The following PTPRD variants were observed in gnomAD, a reference collection of about 807,000 sequenced individuals.
The protein encoded by PTPRD is protein tyrosine phosphatase receptor type D, also known as receptor-type tyrosine-protein phosphatase delta.
In PTPRD, 34 loss-of-function variants were observed where a neutral mutation model predicts 214.5. The observed-to-expected ratio is 0.16, with a 90% confidence interval of 0.12 to 0.21. The LOEUF (loss-of-function observed/expected upper bound fraction) is 0.21. Ranked by LOEUF, PTPRD falls within the 10% of genes least tolerant of loss-of-function variation. The pLI is 1.00. For synonymous variants in PTPRD, 1,128 were observed against 845.7 expected, an observed-to-expected ratio of 1.33 and a Z score of -5.79; for missense variants, 2,545 against 2,398.7, an observed-to-expected ratio of 1.06 and a Z score of -1.27.
intron 2 of PTPRD, among the ~76,000 whole-genome samples, chr9:10,515,330 T>A (rs953859326): frequency 6.6e-6 from 1 of 151,968 alleles, no homozygotes; most frequent in Admixed American, 6.6e-5. Context: ...ATACTGAAGT[T>A]GCTGGATATC....
At chr9:8,545,336 G>A (rs775723481) in intron 14 of PTPRD, among the ~76,000 whole-genome samples, 1 of 152,158 alleles carries the variant, frequency 6.6e-6, no homozygotes, top group Non-Finnish European at 1.5e-5. Flanking sequence ...AATGGAACCT[G>A]TAACAGAGTT....
chr9:10,511,852 CTGTGTGTGTG>C (rs201439443), intron 2 of PTPRD, among the ~76,000 whole-genome samples: 1 of 107,124 alleles, frequency 9.3e-6, no homozygotes, highest in Admixed American at 9.1e-5. Context: ...ATATACATAT[CTGTGTGTGTG>C]TGTGTGTGTG....
intron 36 of PTPRD, among the ~76,000 whole-genome samples, chr9:8,397,548 C>T (rs897409584): frequency 4.6e-5 from 7 of 152,086 alleles, no homozygotes; most frequent in Admixed American, 2.0e-4. Flanking sequence ...AGATATTTTA[C>T]AGCATGGGTA....
At chr9:9,299,789 T>C (rs1954551616) in intron 9 of PTPRD, among the ~76,000 whole-genome samples, 1 of 151,372 alleles carries the variant, frequency 6.6e-6, no homozygotes, top group South Asian at 2.1e-4. Flanking sequence ...AAGACACGCA[T>C]GTGGGATGAG....
chr9:8,663,738 G>T (rs1031694973), intron 12 of PTPRD, among the ~76,000 whole-genome samples: 6 of 151,902 alleles, frequency 3.9e-5, no homozygotes, highest in African/African-American at 1.2e-4. Context: ...TGATCTGCCC[G>T]CCTCGGCCTC....
At chr9:9,187,760 C>G (rs1018414392) in intron 9 of PTPRD, among the ~76,000 whole-genome samples, 8 of 151,508 alleles carry the variant, frequency 5.3e-5, no homozygotes, top group African/African-American at 1.9e-4. Flanking sequence ...TTGTACCTCT[C>G]ATGACTAAAG....
chr9:8,658,924 G>A (rs2096971405), intron 12 of PTPRD, among the ~76,000 whole-genome samples: 1 of 152,050 alleles, frequency 6.6e-6, no homozygotes, highest in Non-Finnish European at 1.5e-5. Flanking sequence ...TGCTAATGAG[G>A]CTCCAAAATC....
chr9:8,929,755 A>ATGTGTATATATATGTGTGTATATATATG lies in PTPRD; in HGVS notation c.-104+88941_-104+88942insCATATATATACACACATATATATACACA, dbSNP rs1555536588. 5.2e-4 allele frequency among the ~76,000 whole-genome samples: 30 copies of ATGTGTATATATATGTGTGTATATATATG among 58,062 alleles called. 1 individual carries two copies. Among genetic ancestry groups the ATGTGTATATATATGTGTGTATATATATG allele is most frequent in the African/African-American group, 1.8e-3 (27 of 15,174 alleles). 38.1% of individuals were successfully genotyped at this position (58,062 alleles called of 152,430 possible). A position where few individuals can be genotyped will look rare whatever the true frequency, so the allele number is the denominator to read the frequency against. ...TGTGTATATATATGTGTATATATATATGTATATATATGTGTATATATATGG... is the reference window on the plus strand; with the variant it reads ...TGTGTATATATATGTGTATATATATATGTGTATATATATGTGTGTATATATATGTGTATATATATGTGTATATATATGG... On this transcript the variant is annotated intron_variant, in intron 11 of 45. Transcript: ENST00000381196.
chr9:8,782,224 T>C (rs1469723066), intron 11 of PTPRD, among the ~76,000 whole-genome samples: 4 of 152,136 alleles, frequency 2.6e-5, no homozygotes, highest in African/African-American at 9.7e-5. Context: ...TATTGTGGAA[T>C]GGATCAAGCT....
chr9:9,747,868 T>A (rs926287647), intron 6 of PTPRD, among the ~76,000 whole-genome samples: 1 of 152,204 alleles, frequency 6.6e-6, no homozygotes, highest in Non-Finnish European at 1.5e-5. Flanking sequence ...CTACCATTTT[T>A]ACAAATTTCT....
intron 44 of PTPRD, among the ~76,000 whole-genome samples, chr9:8,324,496 A>G (rs957293162): frequency 7.2e-5 from 11 of 152,090 alleles, no homozygotes; most frequent in Non-Finnish European, 1.2e-4. Context: ...TATCCAATCT[A>G]TCATTGATGG....
chr9:9,981,394 G>A (rs987718161), intron 4 of PTPRD, among the ~76,000 whole-genome samples: 4 of 137,556 alleles, frequency 2.9e-5, no homozygotes, highest in Non-Finnish European at 6.1e-5. Context: ...TCACTCTGTC[G>A]CCCAGGCTGG....
chr9:9,794,445 G>C (rs968118840), intron 5 of PTPRD, among the ~76,000 whole-genome samples: 1 of 152,020 alleles, frequency 6.6e-6, no homozygotes, highest in Non-Finnish European at 1.5e-5. Flanking sequence ...GGGTACTGGT[G>C]GCAGAGGCAA....
chr9:9,321,255 T>G (rs1244635632), intron 9 of PTPRD, among the ~76,000 whole-genome samples: 2 of 152,158 alleles, frequency 1.3e-5, no homozygotes, highest in Non-Finnish European at 2.9e-5. Flanking sequence ...AGCTCAGAAT[T>G]CATTAAAGGA....
At chr9:10,057,388 A>G (rs2097673340) in intron 3 of PTPRD, among the ~76,000 whole-genome samples, 1 of 152,184 alleles carries the variant, frequency 6.6e-6, no homozygotes, top group African/African-American at 2.4e-5. Context: ...CAGGGTATGG[A>G]AAGAAGCCCA....
intron 5 of PTPRD, among the ~76,000 whole-genome samples, chr9:9,861,692 C>T (rs1256870509): frequency 1.3e-5 from 2 of 151,962 alleles, no homozygotes; most frequent in African/African-American, 4.8e-5. Flanking sequence ...CATATCTTTG[C>T]AGAAAAATCA....
chr9:8,724,621 C>G (rs2098538013), intron 12 of PTPRD, among the ~76,000 whole-genome samples: 3 of 152,122 alleles, frequency 2.0e-5, no homozygotes, highest in Non-Finnish European at 4.4e-5. Flanking sequence ...TTTATGGAGC[C>G]TTGTCTTACC....
intron 9 of PTPRD, among the ~76,000 whole-genome samples, chr9:9,239,908 G>T (rs2099969507): frequency 6.6e-6 from 1 of 152,262 alleles, no homozygotes; most frequent in South Asian, 2.1e-4. Context: ...CCATCTGATT[G>T]CTCAAAACCC....
chr9:8,512,577 C>A (rs1360032893), intron 21 of PTPRD, among the ~76,000 whole-genome samples: 3 of 151,936 alleles, frequency 2.0e-5, no homozygotes, highest in African/African-American at 7.2e-5. Flanking sequence ...TATATTTTAA[C>A]ACTTTTGCAA....
Sources: allele counts gnomAD v4.1 joint callset (sites outside exome capture counted in the v4.1 genomes callset), GRCh38; gene constraint gnomAD v4.1.1; transcripts MANE v1.5; gene names NCBI Gene and HGNC (gene_info 2026-07-23, HGNC 2026-07-21).